Variants in RPGRIP1L observed in about 807,000 individuals in gnomAD.
RPGRIP1L encodes the protein RPGRIP1 like.
In RPGRIP1L, 131 loss-of-function variants were observed where a neutral mutation model predicts 160.4. The ratio of observed to expected loss-of-function variants is 0.82; its 90% CI spans 0.71 to 0.94. The LOEUF is 0.94. Ranked by LOEUF, RPGRIP1L falls within the 40% of genes least tolerant of loss-of-function variation. RPGRIP1L has a pLI of 0.00. For missense variants in RPGRIP1L, 1,522 were observed against 1,535.8 expected (o/e 0.99, Z 0.15); for synonymous variants, 510 against 515.8 (o/e 0.99, Z 0.15).
intron 7 of RPGRIP1L, among the ~76,000 whole-genome samples, chr16:53,673,399 C>T (rs1441592434): frequency 1.3e-5 from 2 of 152,122 alleles, no homozygotes; most frequent in East Asian, 3.8e-4. Flanking sequence ...AAAATGCTGA[C>T]CACAGATATT....
intron 15 of RPGRIP1L, among the ~76,000 whole-genome samples, chr16:53,651,656 C>T (rs374308068): frequency 6.6e-6 from 1 of 152,106 alleles, no homozygotes; most frequent in African/African-American, 2.4e-5. Flanking sequence ...TCATTCTTTA[C>T]CCCCTCAGAG....
intron 7 of RPGRIP1L, among the ~76,000 whole-genome samples, chr16:53,673,683 A>G (rs899233802): frequency 2.6e-5 from 4 of 152,096 alleles, no homozygotes; most frequent in Non-Finnish European, 5.9e-5. Flanking sequence ...AAATCTCTCA[A>G]GTCCCACTGA....
chr16:53,695,237 T>C (rs1970666477), intron 3 of RPGRIP1L: 1 of 665,406 alleles, frequency 1.5e-6, no homozygotes, highest in East Asian at 2.7e-5. Context: ...GTGTGTGGGA[T>C]AATGGTCAGA....
At chr16:53,676,015 A>T (rs538272894) in intron 6 of RPGRIP1L, among the ~76,000 whole-genome samples, 54 of 152,302 alleles carry the variant, frequency 3.5e-4, no homozygotes, top group African/African-American at 1.3e-3. Context: ...TTAAAATCAG[A>T]GTTCAATATT....
At chr16:53,656,640 C>T in intron 13 of RPGRIP1L, 51 bp from the exon 14 acceptor site, 2 of 1,270,532 alleles carry the variant, frequency 1.6e-6, no homozygotes, top group Non-Finnish European at 2.3e-6. Flanking sequence ...GTTCTATTTT[C>T]ATTATTCAAA....
At chr16:53,683,661 A>T (rs1483810669) in intron 6 of RPGRIP1L, among the ~76,000 whole-genome samples, 1 of 151,238 alleles carries the variant, frequency 6.6e-6, no homozygotes, top group Non-Finnish European at 1.5e-5. Flanking sequence ...GGTTCAATAT[A>T]CTATTCTCTA....
At chr16:53,610,925 C>T in intron 25 of RPGRIP1L, 42 bp downstream of exon 25, 1 of 1,439,800 alleles carries the variant, frequency 6.9e-7, no homozygotes, top group Non-Finnish European at 9.8e-7. Context: ...CAGAGATCTA[C>T]TTTATGTAAA....
rs397945611 is a variant in RPGRIP1L, at chr16:53,617,073, CAAAA to C, written c.3616+1948_3616+1951del. Among the ~76,000 whole-genome samples, 13 of 21,848 alleles carry C rather than the reference CAAAA, an allele frequency of 6.0e-4. No individual in the cohort carries two copies. The East Asian group carries it at 0.011, about 18-fold the overall frequency. 14.3% of individuals were successfully genotyped at this position (21,848 alleles called of 152,430 possible). A position where few individuals can be genotyped will look rare whatever the true frequency, so the allele number is the denominator to read the frequency against. On this transcript the variant is annotated intron_variant, in intron 24 of 26. Transcript: ENST00000647211. ...GGCAATAGCACCAGACCTTGCATCA[CAAAA>C]AAAAAAAAAAAAAAAAAAAAAAGCA...
At chr16:53,691,266 A>C (rs546223428) in intron 4 of RPGRIP1L, among the ~76,000 whole-genome samples, 2 of 152,210 alleles carry the variant, frequency 1.3e-5, no homozygotes, top group South Asian at 4.1e-4. Context: ...AATTTTAAAA[A>C]CGTTACTTAA....
chr16:53,687,964 AC>A lies in RPGRIP1L; in HGVS notation c.530del (p.Gly177ValfsTer2), dbSNP rs762140139. On this transcript the variant is annotated frameshift_variant and splice_region_variant, in exon 5 of 27. Coordinates refer to ENST00000647211, the MANE Select transcript of RPGRIP1L (RefSeq NM_015272.5). LOFTEE classifies it high-confidence loss of function. ...CTACATCTGCATCTTGGAATTTTAT[AC>A]CTAAAAACAAAGTAATAAAATATGA... ...NAGLQECPRK[G>X]IKFQDADVAE... The A allele has an allele frequency of 6.4e-7, 1 of 1,556,492 alleles. No individual in the cohort carries two copies. Among genetic ancestry groups the A allele is most frequent in the Non-Finnish European group, 8.9e-7 (1 of 1,128,400 alleles).
chr16:53,665,843 G>A (rs1001843672), intron 9 of RPGRIP1L, among the ~76,000 whole-genome samples: 6 of 152,154 alleles, frequency 3.9e-5, no homozygotes, highest in Non-Finnish European at 7.3e-5. Flanking sequence ...CAGCTGCTAC[G>A]TAAGGACACT....
At chr16:53,649,153 C>T (rs139738817) in intron 15 of RPGRIP1L, 38 bp from the exon 16 acceptor site, 1 of 1,580,848 alleles carries the variant, frequency 6.3e-7, no homozygotes, top group East Asian at 2.2e-5. Flanking sequence ...AAAATAGTTT[C>T]ATACATTAAA....
intron 6 of RPGRIP1L, among the ~76,000 whole-genome samples, chr16:53,677,801 CT>C (rs1969301322): frequency 6.6e-6 from 1 of 152,124 alleles, no homozygotes; most frequent in African/African-American, 2.4e-5. Flanking sequence ...GAAGAATAGA[CT>C]TAGGGCTAAT....
intron 6 of RPGRIP1L, among the ~76,000 whole-genome samples, chr16:53,684,593 T>C (rs1186135336): frequency 2.2e-5 from 3 of 138,160 alleles, no homozygotes; most frequent in African/African-American, 8.1e-5. Flanking sequence ...GGGACTGTTA[T>C]GGGTGGGGGT....
chr16:53,605,189 C>T (rs1027541611), intron 26 of RPGRIP1L, among the ~76,000 whole-genome samples: 3 of 151,644 alleles, frequency 2.0e-5, no homozygotes, highest in Non-Finnish European at 4.4e-5. Flanking sequence ...AAAAAAAATC[C>T]AATGGCCAAC....
intron 6 of RPGRIP1L, among the ~76,000 whole-genome samples, chr16:53,685,676 TG>T (rs1409282721): frequency 1.2e-5 from 1 of 86,336 alleles, no homozygotes; most frequent in African/African-American, 4.7e-5. Context: ...ACACATAGGG[TG>T]GGGGGAACAA....
intron 22 of RPGRIP1L, among the ~76,000 whole-genome samples, chr16:53,624,890 C>G (rs1247286561): frequency 1.3e-5 from 2 of 151,970 alleles, no homozygotes; most frequent in East Asian, 3.9e-4. Flanking sequence ...CTCAGCCTGC[C>G]GAGTGCCTGG....
At chr16:53,694,264 C>T (rs1484571102) in intron 3 of RPGRIP1L, 3 of 151,478 alleles carry the variant, frequency 2.0e-5, no homozygotes, top group Admixed American at 2.0e-4. Flanking sequence ...ATGGTGAAAC[C>T]CCGTCTCTAC....
chr16:53,618,276 T>A (rs939411685), intron 24 of RPGRIP1L, among the ~76,000 whole-genome samples: 1 of 152,158 alleles, frequency 6.6e-6, no homozygotes, highest in Admixed American at 6.5e-5. Context: ...ATCTAGACAC[T>A]GAGAGAGATA....
Sources: allele counts gnomAD v4.1 joint callset (sites outside exome capture counted in the v4.1 genomes callset), GRCh38; gene constraint gnomAD v4.1.1; transcripts MANE v1.5; gene names NCBI Gene and HGNC (gene_info 2026-07-23, HGNC 2026-07-21).